MAP3K5: variants seen among roughly 807,000 people sequenced by gnomAD.
The protein encoded by MAP3K5 is mitogen-activated protein kinase kinase kinase 5, also known as ASK-1.
A neutral mutation model predicts 158.7 loss-of-function variants in MAP3K5; 56 were observed. The observed-to-expected ratio is 0.35, with a 90% CI of 0.28 to 0.44. MAP3K5 has a LOEUF of 0.44. Ranked by LOEUF, MAP3K5 falls within the 20% of genes least tolerant of loss-of-function variation. The pLI is 1.00. For synonymous variants in MAP3K5, 579 were observed against 601.7 expected (o/e 0.96, Z 0.55); for missense variants, 1,294 against 1,674.8 (o/e 0.77, Z 3.97).
chr6:136,732,252 C>A (rs1431412628), intron 1 of MAP3K5, among the ~76,000 whole-genome samples: 1 of 151,996 alleles, frequency 6.6e-6, no homozygotes, highest in South Asian at 2.1e-4. Context: ...TGGTGAAATA[C>A]CGTCTCTACC....
chr6:136,717,763 GA>G (rs1781587581), intron 2 of MAP3K5, among the ~76,000 whole-genome samples: 1 of 152,050 alleles, frequency 6.6e-6, no homozygotes. Context: ...GAACTTTCAG[GA>G]CTCAGAGGAA....
chr6:136,646,774 TG>T (rs1778279187), intron 11 of MAP3K5, among the ~76,000 whole-genome samples: 1 of 152,264 alleles, frequency 6.6e-6, no homozygotes, highest in Non-Finnish European at 1.5e-5. Context: ...CTTGCATACA[TG>T]CAAAACAATA....
chr6:136,698,429 TA>T, intron 4 of MAP3K5, 59 bp downstream of exon 4: 1 of 1,442,796 alleles, frequency 6.9e-7, no homozygotes, highest in Non-Finnish European at 9.6e-7. Context: ...CATGCACAAA[TA>T]AAGATGTAGA....
At chr6:136,679,681 A>G (rs139577683) in intron 7 of MAP3K5, among the ~76,000 whole-genome samples, 22 of 152,262 alleles carry the variant, frequency 1.4e-4, no homozygotes, top group African/African-American at 4.8e-4. Flanking sequence ...TACCACGCAC[A>G]TATTTTTTTT....
chr6:136,745,152 T>TGG (rs1782880754), intron 1 of MAP3K5, among the ~76,000 whole-genome samples: 1 of 150,562 alleles, frequency 6.6e-6, no homozygotes, highest in Non-Finnish European at 1.5e-5. Flanking sequence ...AGTTTTTTTT[T>TGG]TTTTTTTTTT....
In MAP3K5 at chr6:136,604,748, T is replaced by C. The variant is rs535913196; in HGVS notation, c.2679+461A>G. On this transcript the variant is annotated intron_variant, in intron 19 of 29. Transcript: ENST00000359015. ...GTATATGAGAATAAGACTGATTTAC[T>C]TAAAATGGTAATTATGCTCTTTTTT... Among the ~76,000 whole-genome samples, 55 of 138,786 alleles carry C rather than the reference T, an allele frequency of 4.0e-4. No individual in the cohort carries two copies. In the Admixed American group the frequency reaches 4.1e-3, roughly 10 times the overall value. 91.0% of individuals were successfully genotyped at this position (138,786 alleles called of 152,430 possible).
intron 15 of MAP3K5, among the ~76,000 whole-genome samples, chr6:136,617,499 G>T (rs531981588): frequency 6.6e-6 from 1 of 152,148 alleles, no homozygotes; most frequent in African/African-American, 2.4e-5. Flanking sequence ...TGCCAACCTT[G>T]ACTGGATATT....
Position 136,611,310 on chromosome 6 carries a change from G to A in MAP3K5, c.2493C>T (p.Gly831=). The A allele has an allele frequency of 1.9e-6, 3 of 1,612,760 alleles. No individual in the cohort carries two copies. The South Asian group carries it at 3.3e-5, about 18-fold the overall frequency. The change falls in exon 18 of 30, where the codon GGC becomes GGT. Residue 831 remains glycine (G), a synonymous_variant. Transcript: ENST00000359015. Reference sequence around the variant, plus strand: ...TAAAAGTTTCAGTACAGGGGTTTATGCCAGCAAGCCTCTTTGATGTTCCGA... The same window carrying A: ...TAAAAGTTTCAGTACAGGGGTTTATACCAGCAAGCCTCTTTGATGTTCCGA... ...SDFGTSKRLA[G]INPCTETFTG...
chr6:136,643,054 C>G (rs1484037922), intron 11 of MAP3K5, among the ~76,000 whole-genome samples: 1 of 151,928 alleles, frequency 6.6e-6, no homozygotes, highest in Non-Finnish European at 1.5e-5. Context: ...ACTAGTAGAA[C>G]AAGAATGTAT....
At chr6:136,566,290 C>T (rs1774108238) in intron 26 of MAP3K5, among the ~76,000 whole-genome samples, 1 of 152,236 alleles carries the variant, frequency 6.6e-6, no homozygotes, top group Non-Finnish European at 1.5e-5. Context: ...GATATACCAG[C>T]TCTTTGGTAA....
At chr6:136,586,980 C>T (rs1235175022) in intron 23 of MAP3K5, among the ~76,000 whole-genome samples, 6 of 152,158 alleles carry the variant, frequency 3.9e-5, no homozygotes, top group Non-Finnish European at 8.8e-5. Context: ...ATTGTGGGAC[C>T]TTGTGATTAT....
intron 1 of MAP3K5, among the ~76,000 whole-genome samples, chr6:136,773,792 C>T (rs1202502134): frequency 2.6e-5 from 4 of 152,078 alleles, no homozygotes; most frequent in South Asian, 2.1e-4. Flanking sequence ...GGACCACAGG[C>T]GGGTGCCACC....
chr6:136,728,189 G>A (rs887287696), intron 1 of MAP3K5, among the ~76,000 whole-genome samples: 1 of 152,112 alleles, frequency 6.6e-6, no homozygotes. Flanking sequence ...TTTGGTCATC[G>A]AATGGCAGTG....
intron 1 of MAP3K5, among the ~76,000 whole-genome samples, chr6:136,789,675 CTT>C (rs57162918): frequency 0.03 from 2,328 of 78,674 alleles, 66 homozygotes; most frequent in African/African-American, 0.063. Flanking sequence ...AGCACAACCT[CTT>C]TTTTTTTTTT....
chr6:136,577,998 A>G (rs910195734), intron 25 of MAP3K5, among the ~76,000 whole-genome samples: 2 of 152,054 alleles, frequency 1.3e-5, no homozygotes, highest in Non-Finnish European at 2.9e-5. Context: ...TTGTTTCAAA[A>G]TATACTCTCT....
At chr6:136,703,192 T>A (rs1367854767) in intron 3 of MAP3K5, among the ~76,000 whole-genome samples, 2 of 152,186 alleles carry the variant, frequency 1.3e-5, no homozygotes. Flanking sequence ...TATAAGGACA[T>A]TCAGCACCTG....
intron 28 of MAP3K5, among the ~76,000 whole-genome samples, chr6:136,559,795 A>T (rs1462744235): frequency 6.6e-6 from 1 of 152,100 alleles, no homozygotes; most frequent in Non-Finnish European, 1.5e-5. Flanking sequence ...TTCCCAAAGT[A>T]TTGGGATTAC....
intron 8 of MAP3K5, 112 bp from the exon 9 acceptor site, chr6:136,659,490 C>T: frequency 1.0e-6 from 1 of 994,882 alleles, no homozygotes; most frequent in Non-Finnish European, 1.5e-6. Context: ...ATTAAAACAG[C>T]TTTGTTAAGT....
At chr6:136,592,853 C>A in intron 21 of MAP3K5, 1 of 575,008 alleles carries the variant, frequency 1.7e-6, no homozygotes, top group Non-Finnish European at 3.3e-6. Flanking sequence ...CTCTGGGGTA[C>A]CAAAACAGTC....
Sources: gnomAD v4.1 joint callset for allele counts (sites outside exome capture counted in the v4.1 genomes callset) on GRCh38, gnomAD v4.1.1 for gene constraint, MANE v1.5 for transcripts, NCBI Gene and HGNC (gene_info 2026-07-23, HGNC 2026-07-21) for gene names.